LGSN: variants seen among roughly 807,000 people sequenced by gnomAD.
LGSN encodes the protein lengsin, lens protein with glutamine synthetase domain.
LGSN carries 21 observed loss-of-function variants against 19.5 expected under a neutral mutation model. The observed-to-expected ratio is 1.07, with a 90% CI of 0.76 to 1.55. The LOEUF is 1.55. LGSN is among the 40% of genes most tolerant of loss of function. The pLI is 0.00. For synonymous variants in LGSN, 257 were observed against 215.6 expected (o/e 1.19, Z -1.68); for missense variants, 673 against 608.5 (o/e 1.11, Z -1.12).
chr6:63,506,920 C>A, the LGSN span, among the ~76,000 whole-genome samples: 2 of 152,096 alleles, frequency 1.3e-5, no homozygotes, highest in African/African-American at 2.4e-5. Context: ...TCACGTGACA[C>A]TATCTTACTA....
chr6:63,456,287 C>T, the LGSN span, among the ~76,000 whole-genome samples: 1 of 143,286 alleles, frequency 7.0e-6, no homozygotes, highest in East Asian at 2.1e-4. Context: ...CTAATTGGAG[C>T]ATATCTTCAG....
At chr6:63,423,343 CA>C in the LGSN span, among the ~76,000 whole-genome samples, 1 of 151,654 alleles carries the variant, frequency 6.6e-6, no homozygotes, top group African/African-American at 2.4e-5. Flanking sequence ...GACCATGTCT[CA>C]AAAAAATAAT....
chr6:63,313,173 C>A (rs1308966336), intron 1 of LGSN, among the ~76,000 whole-genome samples: 1 of 151,916 alleles, frequency 6.6e-6, no homozygotes, highest in Non-Finnish European at 1.5e-5. Flanking sequence ...AACTAAAAAC[C>A]CACCATAGTT....
the LGSN span, among the ~76,000 whole-genome samples, chr6:63,466,005 T>G: frequency 6.6e-6 from 1 of 152,256 alleles, no homozygotes. Flanking sequence ...TGTCTCACTT[T>G]GTTGCCCAGG....
chr6:63,412,772 G>GAGAGAAAGAAAGA, the LGSN span, among the ~76,000 whole-genome samples: 116 of 41,168 alleles, frequency 2.8e-3, 3 homozygotes, highest in African/African-American at 0.011. Flanking sequence ...AGAAAGAAAG[G>GAGAGAAAGAAAGA]AAGGAAGGGA....
At chr6:63,509,120 A>T in the LGSN span, among the ~76,000 whole-genome samples, 3 of 150,810 alleles carry the variant, frequency 2.0e-5, no homozygotes, top group African/African-American at 7.3e-5. Context: ...GCTGGAGTAC[A>T]CTGGCACGAT....
At chr6:63,488,509 G>T in the LGSN span, among the ~76,000 whole-genome samples, 1 of 152,214 alleles carries the variant, frequency 6.6e-6, no homozygotes, top group East Asian at 1.9e-4. Context: ...TTTTCATGAA[G>T]GGAAATTCAT....
the LGSN span, among the ~76,000 whole-genome samples, chr6:63,418,196 T>G: frequency 7.3e-3 from 1,105 of 152,302 alleles, 7 homozygotes; most frequent in African/African-American, 0.025. Context: ...AGATGTTGAC[T>G]TCTGGAATTA....
chr6:63,334,816 G>A, the LGSN span, among the ~76,000 whole-genome samples: 20 of 152,050 alleles, frequency 1.3e-4, no homozygotes, highest in Middle Eastern at 6.8e-3. Context: ...CATACTTAAC[G>A]GCCAGCTGAT....
the LGSN span, among the ~76,000 whole-genome samples, chr6:63,531,458 T>C: frequency 1.3e-5 from 2 of 151,080 alleles, no homozygotes; most frequent in Non-Finnish European, 2.9e-5. Context: ...CATCACAAAA[T>C]CCAGAAGAGA....
chr6:63,495,469 T>TTTTTTTG, the LGSN span, among the ~76,000 whole-genome samples: 6 of 119,306 alleles, frequency 5.0e-5, 1 homozygote, highest in African/African-American at 2.0e-4. Context: ...TTTTTTTTTT[T>TTTTTTTG]TTTTTTTGAG....
the LGSN span, among the ~76,000 whole-genome samples, chr6:63,436,846 A>C: frequency 2.6e-5 from 4 of 151,332 alleles, no homozygotes; most frequent in African/African-American, 9.7e-5. Context: ...GACCAGCCTG[A>C]GCGAAATGGT....
the LGSN span, among the ~76,000 whole-genome samples, chr6:63,461,176 G>A: frequency 4.0e-4 from 61 of 152,172 alleles, 3 homozygotes; most frequent in South Asian, 0.012. Context: ...CAAGCCTCCC[G>A]AGTAGCTGCG....
chr6:63,341,523 G>A, the LGSN span, among the ~76,000 whole-genome samples: 1 of 152,146 alleles, frequency 6.6e-6, no homozygotes, highest in Non-Finnish European at 1.5e-5. Context: ...GTAGCTCCCA[G>A]GCTCTGGGGA....
the LGSN span, among the ~76,000 whole-genome samples, chr6:63,380,698 C>T: frequency 4.0e-5 from 6 of 151,472 alleles, no homozygotes; most frequent in East Asian, 1.2e-3. Context: ...TCTTTTTTTC[C>T]TAAATTTTTG....
At chr6:63,493,280 T>C in the LGSN span, among the ~76,000 whole-genome samples, 5 of 152,192 alleles carry the variant, frequency 3.3e-5, no homozygotes, top group Admixed American at 6.6e-5. Flanking sequence ...GTAAAGGAAA[T>C]GCAAATGTGT....
chr6:63,501,984 A>C, the LGSN span, among the ~76,000 whole-genome samples: 4 of 152,206 alleles, frequency 2.6e-5, no homozygotes, highest in South Asian at 6.2e-4. Flanking sequence ...TTTTGTATAG[A>C]AGACAGGGTC....
At chr6:63,438,612 C>G in the LGSN span, among the ~76,000 whole-genome samples, 1 of 151,990 alleles carries the variant, frequency 6.6e-6, no homozygotes, top group Non-Finnish European at 1.5e-5. Context: ...AAATGCTCAT[C>G]ATCACTGGCC....
chr6:63,532,424 C>T, the LGSN span, among the ~76,000 whole-genome samples: 75 of 152,284 alleles, frequency 4.9e-4, 1 homozygote, highest in South Asian at 0.016. Flanking sequence ...GCCACAGGAC[C>T]TGCTCATGGC....
Sources: allele counts gnomAD v4.1 joint callset (sites outside exome capture counted in the v4.1 genomes callset), GRCh38; gene constraint gnomAD v4.1.1; transcripts MANE v1.5; gene names NCBI Gene and HGNC (gene_info 2026-07-23, HGNC 2026-07-21).